CFAP299: variants seen among roughly 807,000 people sequenced by gnomAD.
CFAP299 encodes the protein cilia and flagella associated protein 299.
Under a neutral mutation model 27.0 loss-of-function variants are expected in CFAP299, and 21 were observed. The ratio of observed to expected loss-of-function variants is 0.78; its 90% CI spans 0.55 to 1.12. The LOEUF is 1.12. CFAP299 is among the 50% of genes most tolerant of loss of function. CFAP299 has a pLI of 0.00. For missense variants in CFAP299, 310 were observed against 276.6 expected (o/e 1.12, Z -0.86); for synonymous variants, 104 against 98.1 (o/e 1.06, Z -0.36).
chr4:80,912,906 C>A (rs375586041), intron 4 of CFAP299, among the ~76,000 whole-genome samples: 11 of 152,110 alleles, frequency 7.2e-5, no homozygotes, highest in African/African-American at 2.7e-4. Flanking sequence ...AACAGGAGTG[C>A]GGAATAGAGG....
chr4:80,925,600 A>G (rs114443940), intron 4 of CFAP299, among the ~76,000 whole-genome samples: 171 of 152,142 alleles, frequency 1.1e-3, no homozygotes, highest in African/African-American at 3.9e-3. Flanking sequence ...GATACTGACA[A>G]ATGAAAGAGG....
At chr4:80,385,850 T>TGTCTTCTCTCCCAGGGGACGCAACTACCA in intron 2 of CFAP299, among the ~76,000 whole-genome samples, 1 of 152,320 alleles carries the variant, frequency 6.6e-6, no homozygotes, top group East Asian at 1.9e-4. Flanking sequence ...GGAACTGCCC[T>TGTCTTCTCTCCCAGGGGACGCAACTACCA]GTCTTCTCTC....
intron 2 of CFAP299, among the ~76,000 whole-genome samples, chr4:80,406,797 C>T (rs1160276199): frequency 6.6e-6 from 1 of 152,144 alleles, no homozygotes; most frequent in South Asian, 2.1e-4. Flanking sequence ...TGTGTTAAAG[C>T]TATTGATAGG....
At chr4:80,588,349 A>G (rs1004287653) in intron 3 of CFAP299, among the ~76,000 whole-genome samples, 6 of 150,968 alleles carry the variant, frequency 4.0e-5, no homozygotes, top group Non-Finnish European at 1.5e-5. Flanking sequence ...CATCCACTGC[A>G]GTGCTCTAGA....
chr4:80,697,237 G>A (rs560718292), intron 3 of CFAP299, among the ~76,000 whole-genome samples: 67 of 152,132 alleles, frequency 4.4e-4, no homozygotes, highest in African/African-American at 1.6e-3. Flanking sequence ...TGAAATAACA[G>A]AATTAGAGAT....
intron 1 of CFAP299, among the ~76,000 whole-genome samples, chr4:80,345,554 T>C (rs1722686142): frequency 6.6e-6 from 1 of 152,042 alleles, no homozygotes; most frequent in Admixed American, 6.5e-5. Flanking sequence ...GATAGTTTGC[T>C]GAGAATGATG....
intron 2 of CFAP299, among the ~76,000 whole-genome samples, chr4:80,377,382 T>C (rs968620205): frequency 6.6e-6 from 1 of 152,164 alleles, no homozygotes; most frequent in African/African-American, 2.4e-5. Flanking sequence ...CTATTCTTTT[T>C]CTATTGAATT....
chr4:80,422,125 A>T (rs892549244), intron 2 of CFAP299, among the ~76,000 whole-genome samples: 8 of 151,980 alleles, frequency 5.3e-5, no homozygotes, highest in Non-Finnish European at 1.0e-4. Context: ...AAAGAGATTT[A>T]AAAAAAATAC....
At chr4:80,954,930 A>C (rs1432415368) in intron 5 of CFAP299, among the ~76,000 whole-genome samples, 1 of 135,552 alleles carries the variant, frequency 7.4e-6, no homozygotes, top group Middle Eastern at 3.6e-3. Flanking sequence ...AACCCAGGAG[A>C]CGGAGCTTGC....
At chr4:80,429,838 T>C (rs1348326832) in intron 2 of CFAP299, among the ~76,000 whole-genome samples, 2 of 152,040 alleles carry the variant, frequency 1.3e-5, no homozygotes, top group East Asian at 3.8e-4. Context: ...ATTTGTAATA[T>C]GTCATTGTTA....
intron 3 of CFAP299, among the ~76,000 whole-genome samples, chr4:80,665,335 A>G (rs759336539): frequency 2.6e-5 from 4 of 152,168 alleles, no homozygotes; most frequent in Non-Finnish European, 4.4e-5. Flanking sequence ...AATTAATCCT[A>G]TTTTGGGCTG....
chr4:80,941,895 G>A (rs1425388673), intron 4 of CFAP299, among the ~76,000 whole-genome samples: 1 of 152,122 alleles, frequency 6.6e-6, no homozygotes, highest in Non-Finnish European at 1.5e-5. Context: ...ACTATTGTGA[G>A]GACAGTACCA....
chr4:80,690,298 G>T (rs1425154361), intron 3 of CFAP299, among the ~76,000 whole-genome samples: 1 of 150,780 alleles, frequency 6.6e-6, no homozygotes, highest in Non-Finnish European at 1.5e-5. Flanking sequence ...TGGAAGTAAA[G>T]CTCTCCTCAG....
intron 3 of CFAP299, among the ~76,000 whole-genome samples, chr4:80,654,805 G>C (rs949017378): frequency 1.5e-5 from 1 of 67,666 alleles, no homozygotes; most frequent in South Asian, 4.9e-4. Context: ...TTTTTTTTTT[G>C]GTAGAGACGA....
intron 2 of CFAP299, among the ~76,000 whole-genome samples, chr4:80,557,004 C>T (rs1013186866): frequency 2.0e-5 from 3 of 151,996 alleles, no homozygotes; most frequent in South Asian, 2.1e-4. Context: ...TTTAATAAAA[C>T]CTTATAAACA....
intron 2 of CFAP299, among the ~76,000 whole-genome samples, chr4:80,536,974 T>C (rs1733775166): frequency 6.6e-6 from 1 of 152,010 alleles, no homozygotes; most frequent in Non-Finnish European, 1.5e-5. Context: ...AGGATTAATA[T>C]ATAAGGAACT....
chr4:80,486,463 T>C (rs919495997), intron 2 of CFAP299, among the ~76,000 whole-genome samples: 13 of 152,244 alleles, frequency 8.5e-5, no homozygotes, highest in African/African-American at 3.1e-4. Context: ...AGCCCTAATA[T>C]TGAGTTTTAG....
chr4:80,777,136 C>T (rs1347535517), intron 3 of CFAP299, among the ~76,000 whole-genome samples: 1 of 152,116 alleles, frequency 6.6e-6, no homozygotes, highest in Non-Finnish European at 1.5e-5. Flanking sequence ...TGACCATGCA[C>T]TCCAAAAAGG....
At chr4:80,787,229 A>T (rs1380439486) in intron 3 of CFAP299, among the ~76,000 whole-genome samples, 2 of 148,202 alleles carry the variant, frequency 1.3e-5, no homozygotes, top group East Asian at 2.0e-4. Context: ...TATATATATA[A>T]AACATAATAT....
Sources: allele counts gnomAD v4.1 joint callset (sites outside exome capture counted in the v4.1 genomes callset), GRCh38; gene constraint gnomAD v4.1.1; transcripts MANE v1.5; gene names NCBI Gene and HGNC (gene_info 2026-07-23, HGNC 2026-07-21).